The following JAKMIP2 variants were observed in gnomAD, a reference collection of about 807,000 sequenced individuals.
JAKMIP2 encodes the protein janus kinase and microtubule interacting protein 2.
A neutral mutation model predicts 115.0 loss-of-function variants in JAKMIP2; 25 were observed. That is an observed-to-expected ratio of 0.22 (90% CI 0.16 to 0.30). The LOEUF (loss-of-function observed/expected upper bound fraction) is 0.30, where lower values mean the gene tolerates loss of function less well. Ranked by LOEUF, JAKMIP2 falls within the 10% of genes least tolerant of loss-of-function variation. The pLI, the probability that JAKMIP2 is intolerant of heterozygous loss-of-function variation, is 1.00. For missense variants in JAKMIP2, 642 were observed against 957.6 expected (o/e 0.67, Z 4.35); for synonymous variants, 334 against 343.6 (o/e 0.97, Z 0.31).
chr5:147,592,210 C>A (rs1581253298), intron 21 of JAKMIP2, among the ~76,000 whole-genome samples: 2 of 152,198 alleles, frequency 1.3e-5, no homozygotes, highest in Non-Finnish European at 2.9e-5. Flanking sequence ...TCTACCTCCC[C>A]ACTTTTGAAG....
At chr5:147,620,560 G>T in intron 18 of JAKMIP2, 106 bp downstream of exon 18, 1 of 661,050 alleles carries the variant, frequency 1.5e-6, no homozygotes. Context: ...TGAACTGCAT[G>T]TCGTGATCTA....
chr5:147,660,401 ATATC>A, intron 3 of JAKMIP2: 1 of 436,390 alleles, frequency 2.3e-6, no homozygotes, highest in South Asian at 1.6e-5. Context: ...TTTGGGAAAA[ATATC>A]TATGTTTAAA....
chr5:147,710,719 G>A (rs1752744455), intron 1 of JAKMIP2, among the ~76,000 whole-genome samples: 1 of 152,166 alleles, frequency 6.6e-6, no homozygotes, highest in Non-Finnish European at 1.5e-5. Flanking sequence ...ATTAAACTAT[G>A]TATTGTTATG....
chr5:147,639,863 GTTGT>G (rs1269215819), intron 9 of JAKMIP2, 103 bp from the exon 10 acceptor site: 10 of 1,368,114 alleles, frequency 7.3e-6, no homozygotes, highest in African/African-American at 1.5e-5. Context: ...GAAGTAAAAG[GTTGT>G]TTAACAGTCT....
chr5:147,726,205 A>G (rs1296620425), intron 1 of JAKMIP2, among the ~76,000 whole-genome samples: 1 of 152,218 alleles, frequency 6.6e-6, no homozygotes, highest in Non-Finnish European at 1.5e-5. Flanking sequence ...CAAAGATGAC[A>G]AGGCCCAAGT....
chr5:147,689,258 G>A (rs2126854791), intron 1 of JAKMIP2, among the ~76,000 whole-genome samples: 1 of 152,326 alleles, frequency 6.6e-6, no homozygotes, highest in Middle Eastern at 3.4e-3. Flanking sequence ...AGTGTGTGCA[G>A]ACCATGCTGT....
intron 1 of JAKMIP2, among the ~76,000 whole-genome samples, chr5:147,714,549 A>C (rs1040752428): frequency 9.2e-5 from 14 of 152,334 alleles, no homozygotes; most frequent in African/African-American, 3.4e-4. Context: ...AATGGGGCTG[A>C]GGCAATGTTG....
intron 1 of JAKMIP2, among the ~76,000 whole-genome samples, chr5:147,703,591 AC>A (rs1752457309): frequency 7.2e-6 from 1 of 139,012 alleles, no homozygotes; most frequent in Non-Finnish European, 1.5e-5. Flanking sequence ...GCGTACTGTA[AC>A]TTTTTTTTTT....
intron 1 of JAKMIP2, among the ~76,000 whole-genome samples, chr5:147,709,682 C>G (rs1752710017): frequency 6.6e-6 from 1 of 151,984 alleles, no homozygotes; most frequent in Admixed American, 6.6e-5. Context: ...AACCCCGTCT[C>G]TACTAAAAAT....
At chr5:147,621,279 C>A (rs1481289603) in intron 17 of JAKMIP2, among the ~76,000 whole-genome samples, 1 of 152,200 alleles carries the variant, frequency 6.6e-6, no homozygotes, top group African/African-American at 2.4e-5. Context: ...AAAAGTCAAT[C>A]TGATGTTCCC....
At position 147,661,385 on chromosome 5, in the gene JAKMIP2, G is replaced by A. The variant is rs772237754; in HGVS notation, c.190C>T (p.Arg64Cys). The change falls in exon 3 of 22, where the codon CGC (arginine) becomes TGC (cysteine). Residue 64 changes from arginine (R) to cysteine (C), a missense_variant. This residue lies in a region of JAKMIP2 where 439 missense variants were observed against 570.9 expected (regional missense o/e 0.77). Coordinates refer to ENST00000616793, the MANE Select transcript of JAKMIP2 (RefSeq NM_001270941.2). Reference protein sequence around the residue: ...EAKRIRELEQRKHTVLVTELK... With the variant: ...EAKRIRELEQCKHTVLVTELK... ...TCTGTCACCAGCACCGTGTGCTTGC[G>A]CTGCTCCAGCTCACGAATCCTCTTC... 8 of 1,613,856 alleles carry A rather than the reference G, an allele frequency of 5.0e-6. No individual in the cohort carries two copies. Among genetic ancestry groups the A allele is most frequent in the East Asian group, 2.2e-5 (1 of 44,872 alleles).
intron 10 of JAKMIP2, among the ~76,000 whole-genome samples, chr5:147,639,072 C>G (rs1162592123): frequency 6.6e-6 from 1 of 151,932 alleles, no homozygotes; most frequent in Admixed American, 6.6e-5. Context: ...AACATTTGAC[C>G]CAGTAAGACT....
chr5:147,661,255 C>G lies in JAKMIP2; in HGVS notation c.320G>C (p.Arg107Pro). Residue 107 changes from arginine to proline, a missense_variant, in exon 3 of 22, where the codon CGT becomes CCT. Transcript: ENST00000616793. Reference protein sequence around the residue: ...EQEMSRTVKVRDGEIQRLKSA... With the variant: ...EQEMSRTVKVPDGEIQRLKSA... ...CTTGAGCCTCTGGATCTCTCCATCA[C>G]GTACCTTCACCGTCCTTGACATTTC... 6.2e-7 allele frequency: 1 copy of G among 1,613,964 alleles called. No individual in the cohort carries two copies. Among genetic ancestry groups the G allele is most frequent in the Non-Finnish European group, 8.5e-7 (1 of 1,180,016 alleles).
At position 147,653,835 on chromosome 5, in the gene JAKMIP2, T is replaced by C. The variant is rs371700772; in HGVS notation, c.628-3288A>G. ...CCTAGGTTTACTTTTAAGGTTTGTA[T>C]GGTTTTGGGTTTTACATTTAAGTCT... On this transcript the variant is annotated intron_variant, in intron 3 of 21. Transcript: ENST00000616793. 1.6e-4 allele frequency among the ~76,000 whole-genome samples: 25 copies of C among 152,328 alleles called. No individual in the cohort carries two copies. The South Asian group carries it at 2.1e-3, about 13-fold the overall frequency.
intron 1 of JAKMIP2, among the ~76,000 whole-genome samples, chr5:147,695,309 C>G (rs907278755): frequency 6.6e-6 from 1 of 152,220 alleles, no homozygotes; most frequent in Admixed American, 6.5e-5. Flanking sequence ...AATTGCCCGG[C>G]TTCCTTCCAC....
chr5:147,672,896 G>A (rs190443139), intron 1 of JAKMIP2, among the ~76,000 whole-genome samples: 6 of 152,320 alleles, frequency 3.9e-5, no homozygotes, highest in Admixed American at 1.3e-4. Flanking sequence ...TGGTTGATGG[G>A]CACTAATATT....
intron 3 of JAKMIP2, among the ~76,000 whole-genome samples, chr5:147,657,233 T>G (rs1758725094): frequency 6.6e-6 from 1 of 152,178 alleles, no homozygotes; most frequent in African/African-American, 2.4e-5. Flanking sequence ...TGAGCCGAGA[T>G]CGCGCCACTG....
chr5:147,650,558 T>C lies in JAKMIP2; in HGVS notation c.628-11A>G, dbSNP rs200065696. ...TTTGATTTCATCCATCTGAATTAAA[T>C]GAGACCCAGGACATTTTATTTAACA... On this transcript the variant is annotated splice_polypyrimidine_tract_variant and intron_variant, in intron 3 of 21. Transcript: ENST00000616793. The C allele has an allele frequency of 6.3e-7, 1 of 1,595,310 alleles. No individual in the cohort carries two copies.
intron 1 of JAKMIP2, among the ~76,000 whole-genome samples, chr5:147,780,010 G>T (rs760205171): frequency 1.1e-4 from 16 of 152,080 alleles, no homozygotes; most frequent in Non-Finnish European, 1.6e-4. Context: ...CCAAAAAATA[G>T]CAATAAGCAA....
Sources: gnomAD v4.1 joint callset for allele counts (sites outside exome capture counted in the v4.1 genomes callset) on GRCh38, gnomAD v4.1.1 for gene constraint, gnomAD v4.1.1 regional missense constraint, MANE v1.5 for transcripts, NCBI Gene and HGNC (gene_info 2026-07-23, HGNC 2026-07-21) for gene names.